Variants in NATD1 observed in about 807,000 individuals in gnomAD.
The protein encoded by NATD1 is N-acetyltransferase domain containing 1, also known as protein NATD1.
In NATD1, 9 loss-of-function variants were observed where a neutral mutation model predicts 12.0. That is an observed-to-expected ratio of 0.75 (90% confidence interval 0.45 to 1.30). The LOEUF is 1.30. Ranked by LOEUF, NATD1 falls within the 50% of genes most tolerant of loss-of-function variation. NATD1 has a pLI of 0.00. For synonymous variants in NATD1, 71 were observed against 65.9 expected (o/e 1.08, Z -0.37); for missense variants, 148 against 148.5 (o/e 1.00, Z 0.02).
chr17:21,252,989 C>T (rs916857384), intron 1 of NATD1, among the ~76,000 whole-genome samples, 170 bp downstream of exon 1: 39 of 150,312 alleles, frequency 2.6e-4, no homozygotes, highest in African/African-American at 8.7e-4. Flanking sequence ...GCGCCCGGAG[C>T]TCCGGCCGCC....
rs1224643053 is a variant in NATD1, at chr17:21,241,433, GC to G, written c.*1879del. On this transcript the variant is annotated 3_prime_UTR_variant, in exon 3 of 3. Coordinates refer to ENST00000611551, the MANE Select transcript of NATD1 (RefSeq NM_152914.3). ...GCTGCCCTGGGACAGTAAGGGGAAG[GC>G]CCAGGCCTGGCTGCCCATCCTCTGT... 1.3e-5 allele frequency: 2 copies of G among 152,504 alleles called. No individual in the cohort carries two copies. Among genetic ancestry groups the G allele is most frequent in the East Asian group, 3.9e-4 (2 of 5,190 alleles). The allele number at this position is 152,504 out of a possible 1,614,324, so 9.4% of individuals were successfully genotyped here.
At position 21,238,935 on chromosome 17, in the gene NATD1, A is replaced by G. The variant is rs1176305139; in HGVS notation, c.*4378T>C. ...GTAAGACTGATACAACTGAAAACAT[A>G]ACCCTAAATTTGATTCTGCAGGTTG... On this transcript the variant is annotated 3_prime_UTR_variant, in exon 3 of 3. Coordinates refer to ENST00000611551, the MANE Select transcript of NATD1 (RefSeq NM_152914.3). The G allele has an allele frequency of 6.6e-6, 1 of 152,210 alleles. No individual in the cohort carries two copies. Among genetic ancestry groups the G allele is most frequent in the African/African-American group, 2.4e-5 (1 of 41,452 alleles). The allele number at this position is 152,210 out of a possible 1,614,324, so 9.4% of individuals were successfully genotyped here.
chr17:21,243,030 T>C lies in NATD1; in HGVS notation c.*283A>G, dbSNP rs951038656. The C allele has an allele frequency of 5.9e-6, 2 of 336,170 alleles. No homozygotes were observed. The highest frequency in any genetic ancestry group is 1.1e-5 in the Non-Finnish European group (2 of 179,842). 20.8% of individuals were successfully genotyped at this position (336,170 alleles called of 1,614,324 possible). A position where few individuals can be genotyped will look rare whatever the true frequency, so the allele number is the denominator to read the frequency against. On this transcript the variant is annotated 3_prime_UTR_variant, in exon 3 of 3. Transcript: ENST00000611551. ...CCCGGTGGGCAGGATGCAGGCTGGC[T>C]CTAGCCCCTACGTGTGACCCACAGG...
intron 1 of NATD1, among the ~76,000 whole-genome samples, chr17:21,252,682 C>T (rs1156695749): frequency 2.0e-5 from 3 of 152,032 alleles, no homozygotes; most frequent in African/African-American, 7.2e-5. Context: ...CCAGGGGCAG[C>T]AGGAAGCCAT....
chr17:21,247,319 A>G (rs567347761), intron 1 of NATD1, among the ~76,000 whole-genome samples: 34 of 152,354 alleles, frequency 2.2e-4, no homozygotes, highest in African/African-American at 7.9e-4. Context: ...AGACCTGTGG[A>G]CAACTGGCTG....
Position 21,241,870 on chromosome 17 carries a change from G to C in NATD1, c.*1443C>G, listed in dbSNP as rs1255494214. The C allele has an allele frequency of 6.6e-6, 1 of 152,500 alleles. No individual in the cohort carries two copies. Among genetic ancestry groups the C allele is most frequent in the East Asian group, 1.9e-4 (1 of 5,170 alleles). 9.4% of individuals were successfully genotyped at this position (152,500 alleles called of 1,614,324 possible). On this transcript the variant is annotated 3_prime_UTR_variant, in exon 3 of 3. Coordinates refer to ENST00000611551, the MANE Select transcript of NATD1 (RefSeq NM_152914.3). Reference sequence around the variant, plus strand: ...TGGGGGGTCTCGGTGCCAAGACTGGGGATAGCAAGGAGGTGAGTGGGAAAT... The same window carrying C: ...TGGGGGGTCTCGGTGCCAAGACTGGCGATAGCAAGGAGGTGAGTGGGAAAT...
In NATD1 at chr17:21,244,156, C is replaced by G. The variant is rs754113833; in HGVS notation, c.175G>C (p.Glu59Gln). The stretch of plus-strand genomic sequence containing the variant: ...CGCCCACGGTAGGCATCTGGGACCT[C>G]GGTGTGCTGCAGGTCCACGATCCGC... ...GKRIVDLQHT[E>Q]VPDAYRGRGI... The change falls in exon 2 of 3, where the codon GAG becomes CAG. Residue 59 changes from glutamate (E) to glutamine (Q), a missense_variant. Physicochemically the swap from Glu to Gln is conservative, Grantham distance 29. Coordinates refer to ENST00000611551, the MANE Select transcript of NATD1 (RefSeq NM_152914.3). This position sits in a 1 kb window ranked among gnomAD's most constrained non-coding sequence, Gnocchi z 5.2. 3 of 1,613,018 alleles carry G rather than the reference C, an allele frequency of 1.9e-6. No individual in the cohort carries two copies. The highest frequency in any genetic ancestry group is 4.5e-5 in the East Asian group (2 of 44,848).
intron 1 of NATD1, among the ~76,000 whole-genome samples, chr17:21,251,979 C>T (rs890610215): frequency 1.3e-5 from 2 of 152,206 alleles, no homozygotes; most frequent in African/African-American, 4.8e-5. Flanking sequence ...CTATTTCCTA[C>T]CTGTGGGACC....
At chr17:21,243,479 G>C (rs373962507) in intron 2 of NATD1, 50 bp from the exon 3 acceptor site, 1 of 1,480,626 alleles carries the variant, frequency 6.8e-7, no homozygotes, top group Non-Finnish European at 9.3e-7. Flanking sequence ...GCCGGCACCA[G>C]AAGGTAGCAT....
At position 21,243,185 on chromosome 17, in the gene NATD1, G is replaced by C; in HGVS notation, c.*128C>G. 3 of 695,550 alleles carry C rather than the reference G, an allele frequency of 4.3e-6. No individual in the cohort carries two copies. The highest frequency in any genetic ancestry group is 2.8e-5 in the Admixed American group (1 of 36,178). The allele number at this position is 695,550 out of a possible 1,614,324, so 43.1% of individuals were successfully genotyped here. A position where few individuals can be genotyped will look rare whatever the true frequency, so the allele number is the denominator to read the frequency against. On this transcript the variant is annotated 3_prime_UTR_variant, in exon 3 of 3. Coordinates refer to ENST00000611551, the MANE Select transcript of NATD1 (RefSeq NM_152914.3). ...TCCAGGGATCTGGACGTGGGGCACA[G>C]ATGAGTGTCCTTACAAAAATAACTC...
Position 21,240,125 on chromosome 17 carries a change from AGCT to A in NATD1, c.*3185_*3187del, listed in dbSNP as rs1975253470. 1 of 152,284 alleles carries A rather than the reference AGCT, an allele frequency of 6.6e-6. No individual in the cohort carries two copies. The highest frequency in any genetic ancestry group is 1.5e-5 in the Non-Finnish European group (1 of 68,056). 9.4% of individuals were successfully genotyped at this position (152,284 alleles called of 1,614,324 possible). On this transcript the variant is annotated 3_prime_UTR_variant, in exon 3 of 3. Coordinates refer to ENST00000611551, the MANE Select transcript of NATD1 (RefSeq NM_152914.3). ...CCTAGGAGACCGCACAAAGCCACTC[AGCT>A]TCATAGCTGGGCTGTGGCCTCAGAG...
intron 1 of NATD1, among the ~76,000 whole-genome samples, chr17:21,245,088 T>C (rs1310149360): frequency 1.3e-5 from 2 of 151,884 alleles, no homozygotes; most frequent in Non-Finnish European, 2.9e-5. Flanking sequence ...AAGTGATGTG[T>C]AGGATGCCAG....
Position 21,240,577 on chromosome 17 carries a change from A to C in NATD1, c.*2736T>G, listed in dbSNP as rs2144351785. 6.5e-6 allele frequency: 1 copy of C among 152,724 alleles called. No homozygotes were observed. The highest frequency in any genetic ancestry group is 1.9e-4 in the East Asian group (1 of 5,192). 9.5% of individuals were successfully genotyped at this position (152,724 alleles called of 1,614,324 possible). On this transcript the variant is annotated 3_prime_UTR_variant, in exon 3 of 3. Transcript: ENST00000611551. ...CCACACCCTGCCGCCGGCCCTGAGG[A>C]GGGAAGGCACGAGTCACTGCCTATT...
In NATD1 at chr17:21,240,256, A is replaced by T. The variant is rs1032307547; in HGVS notation, c.*3057T>A. On this transcript the variant is annotated 3_prime_UTR_variant, in exon 3 of 3. Transcript: ENST00000611551. ...GGTCTGGGTTCCTGAAGTCACTGTTATCCTGCAGGGAGACCTCAGCCAAGC... is the reference window on the plus strand; with the variant it reads ...GGTCTGGGTTCCTGAAGTCACTGTTTTCCTGCAGGGAGACCTCAGCCAAGC... The T allele has an allele frequency of 6.6e-6, 1 of 152,256 alleles. No homozygotes were observed. The highest frequency in any genetic ancestry group is 2.4e-5 in the African/African-American group (1 of 41,446). The allele number at this position is 152,256 out of a possible 1,614,324, so 9.4% of individuals were successfully genotyped here. A position where few individuals can be genotyped will look rare whatever the true frequency, so the allele number is the denominator to read the frequency against.
At chr17:21,251,239 G>A (rs574260027) in intron 1 of NATD1, among the ~76,000 whole-genome samples, 1 of 149,770 alleles carries the variant, frequency 6.7e-6, no homozygotes, top group Non-Finnish European at 1.5e-5. Flanking sequence ...CCTGACCACG[G>A]CCAGCTCTGG....
In NATD1 at chr17:21,239,735, G is replaced by A. The variant is rs955465262; in HGVS notation, c.*3578C>T. On this transcript the variant is annotated 3_prime_UTR_variant, in exon 3 of 3. Transcript: ENST00000611551. ...ACCCGGGAGGTGGAGGTTGCAGTGA[G>A]CTGAGATCGCACCTCTGCACTCCAG... 3.3e-5 allele frequency: 5 copies of A among 152,238 alleles called. No individual in the cohort carries two copies. Among genetic ancestry groups the A allele is most frequent in the Non-Finnish European group, 7.3e-5 (5 of 68,070 alleles). The allele number at this position is 152,238 out of a possible 1,614,324, so 9.4% of individuals were successfully genotyped here. A position where few individuals can be genotyped will look rare whatever the true frequency, so the allele number is the denominator to read the frequency against.
Position 21,241,499 on chromosome 17 carries a change from GGCCACCCCTA to G in NATD1, c.*1804_*1813del, listed in dbSNP as rs1975272588. 6.5e-6 allele frequency: 1 copy of G among 152,752 alleles called. No individual in the cohort carries two copies. Among genetic ancestry groups the G allele is most frequent in the South Asian group, 2.1e-4 (1 of 4,838 alleles). 9.5% of individuals were successfully genotyped at this position (152,752 alleles called of 1,614,324 possible). A position where few individuals can be genotyped will look rare whatever the true frequency, so the allele number is the denominator to read the frequency against. ...CTTTCCTTAAATTCTGCCAGCAATGGGCCACCCCTAGCCCCGGAGCAGCTCAGCCCACCTC... is the reference window on the plus strand; with the variant it reads ...CTTTCCTTAAATTCTGCCAGCAATGGGCCCCGGAGCAGCTCAGCCCACCTC... On this transcript the variant is annotated 3_prime_UTR_variant, in exon 3 of 3. Coordinates refer to ENST00000611551, the MANE Select transcript of NATD1 (RefSeq NM_152914.3).
rs1975304703 is a variant in NATD1, at chr17:21,244,145, A to G, written c.186T>C (p.Asp62=). The G allele has an allele frequency of 1.9e-6, 3 of 1,612,946 alleles. No individual in the cohort carries two copies. Among genetic ancestry groups the G allele is most frequent in the Admixed American group, 1.7e-5 (1 of 59,968 alleles). ...IVDLQHTEVP[D]AYRGRGIAKH... is the part of the protein sequence containing the mutation. ...TGGCGATGCCACGCCCACGGTAGGCATCTGGGACCTCGGTGTGCTGCAGGT... is the reference window on the plus strand; with the variant it reads ...TGGCGATGCCACGCCCACGGTAGGCGTCTGGGACCTCGGTGTGCTGCAGGT... Residue 62 remains aspartate (D), a synonymous_variant, in exon 2 of 3, where the codon GAT becomes GAC. Coordinates refer to ENST00000611551, the MANE Select transcript of NATD1 (RefSeq NM_152914.3). This position sits in a 1 kb window ranked among gnomAD's most constrained non-coding sequence, Gnocchi z 5.2.
In NATD1 at chr17:21,243,237, T is replaced by C. The variant is rs1975293440; in HGVS notation, c.*76A>G. 2.6e-6 allele frequency: 3 copies of C among 1,164,982 alleles called. No individual in the cohort carries two copies. The African/African-American group carries it at 4.6e-5, about 18-fold the overall frequency. The allele number at this position is 1,164,982 out of a possible 1,614,324, so 72.2% of individuals were successfully genotyped here. A position where few individuals can be genotyped will look rare whatever the true frequency, so the allele number is the denominator to read the frequency against. ...GAGTCTGTTCCCAGTGGGACCAGGT[T>C]CCTGAGAGCACGTGGGGCCAGGCAA... On this transcript the variant is annotated 3_prime_UTR_variant, in exon 3 of 3. Transcript: ENST00000611551.
Sources: allele counts gnomAD v4.1 joint callset (sites outside exome capture counted in the v4.1 genomes callset), GRCh38; gene constraint gnomAD v4.1.1; non-coding constraint Gnocchi (gnomAD v3.1); transcripts MANE v1.5; gene names NCBI Gene and HGNC (gene_info 2026-07-23, HGNC 2026-07-21).